GPC5: variants seen among roughly 807,000 people sequenced by gnomAD.
GPC5 encodes glypican-5.
GPC5 carries 47 observed loss-of-function variants against 53.9 expected under a neutral mutation model. The observed-to-expected ratio is 0.87, with a 90% CI of 0.69 to 1.11. The LOEUF (loss-of-function observed/expected upper bound fraction) is 1.11, where lower values mean the gene tolerates loss of function less well. GPC5 is among the 50% of genes most tolerant of loss of function. The pLI is 0.00. For missense variants in GPC5, 748 were observed against 713.1 expected (o/e 1.05, Z -0.56); for synonymous variants, 286 against 263.3 (o/e 1.09, Z -0.84).
chr13:92,660,858 A>G (rs139816964), intron 7 of GPC5, among the ~76,000 whole-genome samples: 189 of 152,298 alleles, frequency 1.2e-3, no homozygotes, highest in African/African-American at 4.3e-3. Flanking sequence ...CAGCTCTGGA[A>G]ACATGGCTAA....
chr13:92,363,604 C>G, intron 7 of GPC5, among the ~76,000 whole-genome samples: 1 of 151,746 alleles, frequency 6.6e-6, no homozygotes, highest in Non-Finnish European at 1.5e-5. Flanking sequence ...CTGCTCACCT[C>G]CTGCTATGCA....
chr13:91,693,660 A>G lies in GPC5; in HGVS notation c.799A>G (p.Thr267Ala). ...CCCGCACTGCCAAGGCCTGGCGCTC[A>G]CTAAGCCTTGTATGGGATACTGCCT... ...YCPHCQGLAL[T>A]KPCMGYCLNV... Residue 267 changes from threonine (T) to alanine (A), a missense_variant, in exon 3 of 8, where the codon ACT becomes GCT. By Grantham distance (58) the Thr-to-Ala change is moderately conservative. Transcript: ENST00000377067. 1.2e-6 allele frequency: 2 copies of G among 1,614,126 alleles called. No individual in the cohort carries two copies. Among genetic ancestry groups the G allele is most frequent in the Non-Finnish European group, 1.7e-6 (2 of 1,179,974 alleles).
At chr13:92,359,514 A>G (rs1326503610) in intron 7 of GPC5, among the ~76,000 whole-genome samples, 1 of 151,374 alleles carries the variant, frequency 6.6e-6, no homozygotes, top group African/African-American at 2.4e-5. Context: ...GAAATACCCC[A>G]CTCCCAGTAC....
In GPC5 at chr13:91,613,997, G is replaced by A. The variant is rs530166968; in HGVS notation, c.326-79190G>A. On this transcript the variant is annotated intron_variant, in intron 2 of 7. Coordinates refer to ENST00000377067, the MANE Select transcript of GPC5 (RefSeq NM_004466.6). ...GCAATGTCAAAAACCAGTGAAAGAT[G>A]GTACTTCGAACAGAGTGAGTGGATA... 4.6e-5 allele frequency among the ~76,000 whole-genome samples: 7 copies of A among 152,290 alleles called. No individual in the cohort carries two copies. In the South Asian group the frequency reaches 1.5e-3, roughly 32 times the overall value.
intron 7 of GPC5, among the ~76,000 whole-genome samples, chr13:92,568,700 A>T (rs1227942341): frequency 6.6e-6 from 1 of 152,132 alleles, no homozygotes; most frequent in East Asian, 1.9e-4. Flanking sequence ...CCCTGTACTA[A>T]GTGCTTCATA....
chr13:92,312,524 T>C (rs2043151903), intron 7 of GPC5, among the ~76,000 whole-genome samples: 1 of 152,192 alleles, frequency 6.6e-6, no homozygotes, highest in South Asian at 2.1e-4. Context: ...TTTTATATTT[T>C]GCCTTCAACA....
chr13:91,597,428 C>A (rs928108241), intron 2 of GPC5, among the ~76,000 whole-genome samples: 1 of 152,104 alleles, frequency 6.6e-6, no homozygotes, highest in Non-Finnish European at 1.5e-5. Context: ...CTTTATATGG[C>A]CTTCCAGTTT....
At chr13:92,233,926 G>T (rs1163418510) in intron 7 of GPC5, among the ~76,000 whole-genome samples, 2 of 151,452 alleles carry the variant, frequency 1.3e-5, no homozygotes, top group African/African-American at 4.9e-5. Flanking sequence ...TTTTGTCCTT[G>T]CGATAGTTTG....
chr13:91,458,518 A>G (rs1881711610), intron 2 of GPC5, among the ~76,000 whole-genome samples: 1 of 152,098 alleles, frequency 6.6e-6, no homozygotes, highest in Non-Finnish European at 1.5e-5. Context: ...AACATCACGA[A>G]TTATCGGGAA....
At chr13:91,990,464 C>T (rs143546289) in intron 6 of GPC5, among the ~76,000 whole-genome samples, 1 of 151,932 alleles carries the variant, frequency 6.6e-6, no homozygotes, top group Non-Finnish European at 1.5e-5. Flanking sequence ...ATAGTAAGCA[C>T]TCAGGAAATG....
At chr13:91,516,173 C>T (rs539265261) in intron 2 of GPC5, among the ~76,000 whole-genome samples, 2 of 152,216 alleles carry the variant, frequency 1.3e-5, no homozygotes, top group Admixed American at 6.5e-5. Context: ...CAGCAGTCCC[C>T]CAAAGTCTTA....
rs748514938 is a variant in GPC5 at position 92,017,779 on chromosome 13, TACAC to T, written c.1401+109729_1401+109732del. ...CAAAATAAACACACACGTGCATGAG[TACAC>T]ACACACGCATGAGTACACACACGCA... is the stretch of plus-strand genomic sequence containing the variant. On this transcript the variant is annotated intron_variant, in intron 6 of 7. Transcript: ENST00000377067. Among the ~76,000 whole-genome samples, 5 of 149,554 alleles carry T rather than the reference TACAC, an allele frequency of 3.3e-5. No individual in the cohort carries two copies. The East Asian group carries it at 9.9e-4, about 29-fold the overall frequency.
intron 7 of GPC5, among the ~76,000 whole-genome samples, chr13:92,592,235 TG>T (rs1157774402): frequency 6.6e-6 from 1 of 152,156 alleles, no homozygotes; most frequent in African/African-American, 2.4e-5. Flanking sequence ...GAAGAGAAGA[TG>T]TTCTAGAATA....
chr13:92,422,598 CTG>C (rs1378479750), intron 7 of GPC5, among the ~76,000 whole-genome samples: 3 of 152,010 alleles, frequency 2.0e-5, no homozygotes, highest in Non-Finnish European at 4.4e-5. Flanking sequence ...GCCTGTCATG[CTG>C]TCTTAGTTCT....
chr13:91,759,122 T>G (rs2037355410), intron 5 of GPC5, among the ~76,000 whole-genome samples: 1 of 152,186 alleles, frequency 6.6e-6, no homozygotes, highest in African/African-American at 2.4e-5. Context: ...GTAAGTTGAT[T>G]GGACTCTATC....
chr13:92,054,568 G>T (rs1328148475), intron 6 of GPC5, among the ~76,000 whole-genome samples: 1 of 152,138 alleles, frequency 6.6e-6, no homozygotes, highest in Non-Finnish European at 1.5e-5. Flanking sequence ...ATGAGCCCAA[G>T]TTATAACCCA....
intron 5 of GPC5, among the ~76,000 whole-genome samples, chr13:91,764,022 G>T (rs972917551): frequency 1.3e-5 from 2 of 152,018 alleles, no homozygotes; most frequent in Admixed American, 6.6e-5. Context: ...ACTTGGTGTT[G>T]TTTTTTATTT....
intron 7 of GPC5, among the ~76,000 whole-genome samples, chr13:92,702,040 G>A (rs2139251632): frequency 6.6e-6 from 1 of 152,166 alleles, no homozygotes; most frequent in Non-Finnish European, 1.5e-5. Context: ...TAGGAGATGG[G>A]ACGTGCACTC....
chr13:91,450,971 A>G (rs1326292134), intron 2 of GPC5, among the ~76,000 whole-genome samples: 1 of 152,198 alleles, frequency 6.6e-6, no homozygotes, highest in Non-Finnish European at 1.5e-5. Context: ...TTAAATATAT[A>G]TGCCAAAAGC....
Sources: allele counts gnomAD v4.1 joint callset (sites outside exome capture counted in the v4.1 genomes callset), GRCh38; gene constraint gnomAD v4.1.1; transcripts MANE v1.5; gene names NCBI Gene and HGNC (gene_info 2026-07-23, HGNC 2026-07-21).